Variants in FGF12 observed in about 807,000 individuals in gnomAD.
FGF12 encodes fibroblast growth factor 12B.
FGF12 carries 14 observed loss-of-function variants against 23.6 expected under a neutral mutation model. The observed-to-expected ratio is 0.59, with a 90% CI of 0.39 to 0.93. The LOEUF (loss-of-function observed/expected upper bound fraction) is 0.93. Ranked by LOEUF, FGF12 falls within the 40% of genes least tolerant of loss-of-function variation. The pLI is 0.00. For missense variants in FGF12, 175 were observed against 217.8 expected, an observed-to-expected ratio of 0.80 and a Z score of 1.24; for synonymous variants, 62 against 77.3, an observed-to-expected ratio of 0.80 and a Z score of 1.04.
chr3:192,654,954 T>C (rs191529316), intron 2 of FGF12, among the ~76,000 whole-genome samples: 2 of 152,278 alleles, frequency 1.3e-5, no homozygotes, highest in Admixed American at 1.3e-4. Context: ...CAGAGGAATG[T>C]GACAGTTTTC....
intron 5 of FGF12, among the ~76,000 whole-genome samples, chr3:192,164,186 G>A (rs1715032214): frequency 6.6e-6 from 1 of 152,124 alleles, no homozygotes; most frequent in Non-Finnish European, 1.5e-5. Flanking sequence ...TGATGCTAAA[G>A]GGGGAGGTCA....
chr3:192,309,702 A>G (rs977089952), intron 4 of FGF12, among the ~76,000 whole-genome samples: 5 of 152,342 alleles, frequency 3.3e-5, no homozygotes, highest in Admixed American at 6.5e-5. Context: ...ACAGAGAGAC[A>G]TGAGCACTGA....
intron 2 of FGF12, among the ~76,000 whole-genome samples, chr3:192,537,242 G>A (rs960966401): frequency 1.3e-5 from 2 of 151,988 alleles, no homozygotes; most frequent in Admixed American, 1.3e-4. Flanking sequence ...TTGGCTATTG[G>A]GAATAGTGTT....
chr3:192,354,265 G>A lies in FGF12; in HGVS notation c.124+6163C>T, dbSNP rs577338171. Among the ~76,000 whole-genome samples, 24 of 152,168 alleles carry A rather than the reference G, an allele frequency of 1.6e-4. No individual in the cohort carries two copies. The South Asian group carries it at 4.6e-3, about 29-fold the overall frequency. ...AAGAACATAAAGTATTAGAAGTCTAGACTGAGAGAATCTTAAGAAATAAAT... is the reference window on the plus strand; with the variant it reads ...AAGAACATAAAGTATTAGAAGTCTAAACTGAGAGAATCTTAAGAAATAAAT... On this transcript the variant is annotated intron_variant, in intron 3 of 5. Coordinates refer to ENST00000445105, the MANE Select transcript of FGF12 (RefSeq NM_004113.6).
At chr3:192,576,240 T>C (rs1392814694) in intron 2 of FGF12, among the ~76,000 whole-genome samples, 1 of 152,226 alleles carries the variant, frequency 6.6e-6, no homozygotes, top group Non-Finnish European at 1.5e-5. Context: ...TCTCTCACTT[T>C]ATAATATGTA....
chr3:192,337,571 C>CA (rs1412868715), intron 3 of FGF12, among the ~76,000 whole-genome samples: 1 of 152,184 alleles, frequency 6.6e-6, no homozygotes. Flanking sequence ...AGCAACAACA[C>CA]AGATTATGAG....
chr3:192,521,304 G>A (rs1439222672), intron 2 of FGF12: 1 of 152,136 alleles, frequency 6.6e-6, no homozygotes, highest in Non-Finnish European at 1.5e-5. Flanking sequence ...TCCAGGATTT[G>A]GGGCTGCAGT....
intron 4 of FGF12, among the ~76,000 whole-genome samples, chr3:192,317,910 G>C (rs575869341): frequency 6.6e-6 from 1 of 152,128 alleles, no homozygotes; most frequent in African/African-American, 2.4e-5. Context: ...CATTTGCTTG[G>C]GGAAAAGTAA....
At chr3:192,278,930 G>A (rs1020519575) in intron 4 of FGF12, among the ~76,000 whole-genome samples, 7 of 152,160 alleles carry the variant, frequency 4.6e-5, no homozygotes, top group Admixed American at 6.5e-5. Flanking sequence ...GGTTTGGGCA[G>A]TGGGGGTGAC....
At chr3:192,206,201 T>G (rs1717641489) in intron 4 of FGF12, among the ~76,000 whole-genome samples, 1 of 152,150 alleles carries the variant, frequency 6.6e-6, no homozygotes, top group Non-Finnish European at 1.5e-5. Flanking sequence ...TCCCTTTCCC[T>G]GAAAAACTGA....
At chr3:192,480,854 G>A (rs1015276025) in intron 2 of FGF12, among the ~76,000 whole-genome samples, 1 of 152,160 alleles carries the variant, frequency 6.6e-6, no homozygotes, top group Non-Finnish European at 1.5e-5. Context: ...ATTATCTTGT[G>A]ACATTCACCC....
intron 2 of FGF12, among the ~76,000 whole-genome samples, chr3:192,662,040 T>C (rs1469632293): frequency 6.6e-6 from 1 of 152,224 alleles, no homozygotes; most frequent in African/African-American, 2.4e-5. Context: ...TGACTCAGCC[T>C]GAGTGGGCTT....
rs1248994813 is a variant in FGF12, at chr3:192,303,707, GTT to G, written c.228+31652_228+31653del. 8.6e-5 allele frequency among the ~76,000 whole-genome samples: 13 copies of G among 151,890 alleles called. No individual in the cohort carries two copies. In the East Asian group the frequency reaches 2.5e-3, roughly 29 times the overall value. On this transcript the variant is annotated intron_variant, in intron 4 of 5. Transcript: ENST00000445105. ...TAAAGACACCTAAAGGTGACTGTTA[GTT>G]TTATCACTTACTGCCCATGTGTTCT... is the stretch of plus-strand genomic sequence containing the variant.
chr3:192,583,859 C>T (rs576684466), intron 2 of FGF12, among the ~76,000 whole-genome samples: 2 of 152,226 alleles, frequency 1.3e-5, no homozygotes, highest in South Asian at 4.1e-4. Context: ...TTATCTTTTT[C>T]TCTGTTAATT....
intron 4 of FGF12, among the ~76,000 whole-genome samples, chr3:192,261,850 G>A (rs1712776148): frequency 6.6e-6 from 1 of 152,120 alleles, no homozygotes; most frequent in South Asian, 2.1e-4. Context: ...CGTGCTTTAT[G>A]GGGAAAGAAG....
At chr3:192,553,408 C>T (rs1711615510) in intron 2 of FGF12, among the ~76,000 whole-genome samples, 1 of 152,010 alleles carries the variant, frequency 6.6e-6, no homozygotes, top group South Asian at 2.1e-4. Flanking sequence ...AATGGTAACT[C>T]TAAGTAAGTA....
At chr3:192,201,688 T>C (rs903088894) in intron 4 of FGF12, among the ~76,000 whole-genome samples, 2 of 152,188 alleles carry the variant, frequency 1.3e-5, no homozygotes, top group Admixed American at 6.6e-5. Context: ...AAAATCATGT[T>C]TACACTTTTA....
At chr3:192,217,982 G>A (rs551710473) in intron 4 of FGF12, among the ~76,000 whole-genome samples, 4 of 151,978 alleles carry the variant, frequency 2.6e-5, no homozygotes, top group South Asian at 2.1e-4. Flanking sequence ...GATTACAGAC[G>A]TGTGCCACCA....
At chr3:192,596,094 A>AAATT (rs1713830251) in intron 2 of FGF12, among the ~76,000 whole-genome samples, 1 of 99,478 alleles carries the variant, frequency 1.0e-5, no homozygotes, top group African/African-American at 3.8e-5. Flanking sequence ...CCTGACTCAA[A>AAATT]AATATAATAT....
Sources: allele counts gnomAD v4.1 joint callset (sites outside exome capture counted in the v4.1 genomes callset), GRCh38; gene constraint gnomAD v4.1.1; transcripts MANE v1.5; gene names NCBI Gene and HGNC (gene_info 2026-07-23, HGNC 2026-07-21).